Variants in TRIO observed in about 807,000 individuals in gnomAD.
The protein encoded by TRIO is triple functional domain protein.
A neutral mutation model predicts 351.9 loss-of-function variants in TRIO; 58 were observed. The ratio of observed to expected loss-of-function variants is 0.16; its 90% CI spans 0.13 to 0.21. The LOEUF (loss-of-function observed/expected upper bound fraction) is 0.21. Ranked by LOEUF, TRIO falls within the 10% of genes least tolerant of loss-of-function variation. TRIO has a pLI of 1.00. For synonymous variants in TRIO, 1,758 were observed against 1,595.7 expected (o/e 1.10, Z -2.42); for missense variants, 3,201 against 4,027.8 (o/e 0.79, Z 5.56).
In TRIO at chr5:14,359,497, T is replaced by A. The variant is rs369594884; in HGVS notation, c.2357T>A (p.Leu786Gln). ...QERKIKLELFLQLRIFERDAI... is the reference protein window; with the variant it reads ...QERKIKLELFQQLRIFERDAI... ...CGCAAGATCAAGCTGGAGCTCTTCC[T>A]GCAGCTGCGCATCTTCGAGAGGGAC... is the stretch of plus-strand genomic sequence containing the variant. The change falls in exon 13 of 57, where the codon CTG becomes CAG. Residue 786 changes from leucine to glutamine, a missense_variant. Transcript: ENST00000344204. The A allele has an allele frequency of 6.2e-7, 1 of 1,614,152 alleles. No individual in the cohort carries two copies. The highest frequency in any genetic ancestry group is 8.5e-7 in the Non-Finnish European group (1 of 1,180,038).
chr5:14,186,509 A>G lies in TRIO; in HGVS notation c.157+42627A>G, dbSNP rs529234049. ...GGGACAGACAGCCTTACCTGCACAG[A>G]GGCATGGGGTTTCTTGCATTCATTT... On this transcript the variant is annotated intron_variant, in intron 1 of 56. Transcript: ENST00000344204. 5.3e-5 allele frequency among the ~76,000 whole-genome samples: 8 copies of G among 152,088 alleles called. No homozygotes were observed. In the South Asian group the frequency reaches 1.7e-3, roughly 32 times the overall value.
At chr5:14,470,718 T>A (rs1351585560) in intron 37 of TRIO, among the ~76,000 whole-genome samples, 1 of 152,218 alleles carries the variant, frequency 6.6e-6, no homozygotes, top group Non-Finnish European at 1.5e-5. Flanking sequence ...ACAAGCACGA[T>A]TACTATTTTG....
intron 1 of TRIO, among the ~76,000 whole-genome samples, chr5:14,149,364 A>G (rs1432066249): frequency 6.6e-6 from 1 of 152,342 alleles, no homozygotes; most frequent in Non-Finnish European, 1.5e-5. Flanking sequence ...TTTAATGGTT[A>G]ACAAGTGCAT....
At chr5:14,460,712 G>A (rs1405170320) in intron 34 of TRIO, among the ~76,000 whole-genome samples, 3 of 152,186 alleles carry the variant, frequency 2.0e-5, no homozygotes, top group African/African-American at 7.2e-5. Context: ...AGTATTTTAT[G>A]TGATGAATGA....
chr5:14,451,672 A>C (rs1752860745), intron 34 of TRIO, among the ~76,000 whole-genome samples: 1 of 152,232 alleles, frequency 6.6e-6, no homozygotes, highest in African/African-American at 2.4e-5. Context: ...TGATGGAGTT[A>C]TTTTCAGACA....
chr5:14,402,110 A>G, intron 31 of TRIO, among the ~76,000 whole-genome samples: 1 of 152,336 alleles, frequency 6.6e-6, no homozygotes, highest in African/African-American at 2.4e-5. Context: ...ATAAAGCCCT[A>G]TATGATATCA....
intron 9 of TRIO, among the ~76,000 whole-genome samples, chr5:14,319,684 A>G (rs1309756497): frequency 6.6e-6 from 1 of 152,246 alleles, no homozygotes; most frequent in African/African-American, 2.4e-5. Context: ...TTACTGAACA[A>G]TAGGCGAGGC....
At chr5:14,315,239 G>C (rs1739276383) in intron 8 of TRIO, among the ~76,000 whole-genome samples, 1 of 150,576 alleles carries the variant, frequency 6.6e-6, no homozygotes, top group Non-Finnish European at 1.5e-5. Context: ...AAGTGCCCCT[G>C]AACTTGCTCC....
At chr5:14,393,366 C>T (rs1747279447) in intron 27 of TRIO, among the ~76,000 whole-genome samples, 2 of 152,186 alleles carry the variant, frequency 1.3e-5, no homozygotes, top group East Asian at 3.8e-4. Flanking sequence ...ACATTCTGCA[C>T]ATGTATCCCA....
chr5:14,412,867 C>T (rs576288610), intron 33 of TRIO, among the ~76,000 whole-genome samples: 8 of 152,326 alleles, frequency 5.3e-5, no homozygotes, highest in African/African-American at 1.9e-4. Flanking sequence ...GATGTACCCA[C>T]CAGCAAACCT....
intron 11 of TRIO, among the ~76,000 whole-genome samples, chr5:14,357,710 T>C (rs1280181917): frequency 6.6e-6 from 1 of 152,158 alleles, no homozygotes; most frequent in African/African-American, 2.4e-5. Context: ...ATTGTGCACT[T>C]CCTTCTGTGT....
intron 1 of TRIO, among the ~76,000 whole-genome samples, chr5:14,256,621 T>C (rs767657422): frequency 3.8e-4 from 58 of 152,230 alleles, no homozygotes; most frequent in Non-Finnish European, 6.9e-4. Context: ...GCTGAGACTT[T>C]CATTTTAGTA....
chr5:14,339,725 A>G (rs1209987330), intron 11 of TRIO, among the ~76,000 whole-genome samples: 3 of 152,148 alleles, frequency 2.0e-5, no homozygotes, highest in Non-Finnish European at 4.4e-5. Context: ...CCGTTTCTTC[A>G]GTAGATTTGT....
At chr5:14,291,703 C>G (rs533802278) in intron 5 of TRIO, among the ~76,000 whole-genome samples, 1 of 147,688 alleles carries the variant, frequency 6.8e-6, no homozygotes, top group Admixed American at 6.9e-5. Context: ...GCAGGAGAAT[C>G]GCTTGAACCC....
chr5:14,273,867 T>TA (rs763729442), intron 2 of TRIO, among the ~76,000 whole-genome samples: 5 of 152,236 alleles, frequency 3.3e-5, no homozygotes, highest in Non-Finnish European at 7.3e-5. Context: ...AACTGTTTAT[T>TA]ATGGAACATT....
At chr5:14,420,186 G>T in intron 34 of TRIO, 165 bp downstream of exon 34, 1 of 1,054,848 alleles carries the variant, frequency 9.5e-7, no homozygotes, top group South Asian at 1.7e-5. Context: ...ATCAGCACCT[G>T]AAGAGGAAAT....
intron 7 of TRIO, among the ~76,000 whole-genome samples, chr5:14,301,635 C>A (rs1367832874): frequency 6.6e-6 from 1 of 152,136 alleles, no homozygotes; most frequent in Non-Finnish European, 1.5e-5. Flanking sequence ...CGTATGATAT[C>A]ATTGTCATAT....
Position 14,320,206 on chromosome 5 carries a change from C to T in TRIO, c.1731+3463C>T, listed in dbSNP as rs544869495. ...GTTGAATGAATGAATAAATGAATAG[C>T]TGTGTTACTGCTACACACTGTTTTC... is the stretch of plus-strand genomic sequence containing the variant. On this transcript the variant is annotated intron_variant, in intron 9 of 56. Transcript: ENST00000344204. Among the ~76,000 whole-genome samples the T allele has an allele frequency of 3.3e-5, 5 of 152,292 alleles. No individual in the cohort carries two copies. The East Asian group carries it at 7.7e-4, about 23-fold the overall frequency.
intron 1 of TRIO, among the ~76,000 whole-genome samples, chr5:14,169,013 T>A (rs751603530): frequency 3.9e-5 from 6 of 152,214 alleles, no homozygotes; most frequent in Non-Finnish European, 4.4e-5. Context: ...GAGCCTCTAC[T>A]TAGGGGATTA....
Sources: gnomAD v4.1 joint callset for allele counts (sites outside exome capture counted in the v4.1 genomes callset) on GRCh38, gnomAD v4.1.1 for gene constraint, MANE v1.5 for transcripts, NCBI Gene and HGNC (gene_info 2026-07-23, HGNC 2026-07-21) for gene names.